Variants in AXDND1 observed in about 807,000 individuals in gnomAD.
The protein encoded by AXDND1 is axonemal dynein light chain domain-containing protein 1.
AXDND1 carries 110 observed loss-of-function variants against 137.5 expected under a neutral mutation model. The observed-to-expected ratio is 0.80, with a 90% CI of 0.69 to 0.94. The LOEUF is 0.94. Among genes scored for constraint, AXDND1 ranks in the 40% least tolerant of loss-of-function variants. The probability of loss-of-function intolerance (pLI) is 0.00; values close to 1 mark genes in which losing one functional copy is unlikely to be tolerated. For missense variants in AXDND1, 1,191 were observed against 1,169.8 expected (o/e 1.02, Z -0.26); for synonymous variants, 414 against 399.7 (o/e 1.04, Z -0.43).
chr1:179,456,427 T>C (rs1661417403), intron 16 of AXDND1: 1 of 769,582 alleles, frequency 1.3e-6, no homozygotes, highest in Non-Finnish European at 2.4e-6. Context: ...CCTCCAAAAC[T>C]GCTTCCACTA....
chr1:179,477,526 G>A (rs1664785391), intron 17 of AXDND1, among the ~76,000 whole-genome samples: 1 of 152,138 alleles, frequency 6.6e-6, no homozygotes, highest in Non-Finnish European at 1.5e-5. Flanking sequence ...CAGATCTCAT[G>A]AGACTTATTC....
chr1:179,442,631 A>T (rs1344033433), intron 15 of AXDND1, among the ~76,000 whole-genome samples: 1 of 152,186 alleles, frequency 6.6e-6, no homozygotes, highest in East Asian at 1.9e-4. Context: ...CCTGATTCAG[A>T]AAACTTCCCA....
intron 19 of AXDND1, 36 bp from the exon 20 acceptor site, chr1:179,492,819 C>CTCTTTT (rs770627668): frequency 7.1e-7 from 1 of 1,413,258 alleles, no homozygotes; most frequent in Admixed American, 2.0e-5. Context: ...TGTGTATTTG[C>CTCTTTT]TCTTTTTCTT....
At chr1:179,477,725 T>C (rs1664814394) in intron 17 of AXDND1, among the ~76,000 whole-genome samples, 1 of 152,096 alleles carries the variant, frequency 6.6e-6, no homozygotes, top group African/African-American at 2.4e-5. Flanking sequence ...TCAAAACCAA[T>C]CATGCCTTCC....
chr1:179,468,931 A>C, intron 17 of AXDND1, among the ~76,000 whole-genome samples: 1 of 143,382 alleles, frequency 7.0e-6, no homozygotes. Context: ...TGTTATGAAC[A>C]ATTTTTTTTT....
At chr1:179,485,686 C>A (rs1208599028) in intron 18 of AXDND1, among the ~76,000 whole-genome samples, 1 of 152,142 alleles carries the variant, frequency 6.6e-6, no homozygotes, top group Non-Finnish European at 1.5e-5. Context: ...GTTTCTTAAC[C>A]AGGCTGACAT....
At chr1:179,551,794 G>A in intron 25 of AXDND1, 1 of 302,358 alleles carries the variant, frequency 3.3e-6, no homozygotes, top group South Asian at 4.0e-5. Context: ...ATGAAAGGGT[G>A]ACCCCCAACT....
At chr1:179,504,245 A>G (rs1668311398) in intron 20 of AXDND1, among the ~76,000 whole-genome samples, 1 of 152,194 alleles carries the variant, frequency 6.6e-6, no homozygotes, top group African/African-American at 2.4e-5. Flanking sequence ...TTCTGAACCA[A>G]GCAGTCTCTT....
intron 16 of AXDND1, chr1:179,454,060 G>A (rs1660928057): frequency 6.6e-6 from 1 of 152,166 alleles, no homozygotes. Flanking sequence ...AAGACTTTGG[G>A]GGGACTGTTG....
intron 12 of AXDND1, among the ~76,000 whole-genome samples, chr1:179,429,243 A>C (rs574497382): frequency 1.3e-5 from 2 of 152,182 alleles, no homozygotes; most frequent in Non-Finnish European, 2.9e-5. Context: ...CATATAAATA[A>C]AAGCATTTGA....
rs1364272098 is a variant in AXDND1 at position 179,448,182 on chromosome 1, T to G, written c.1798+2978T>G. 5 of 906,720 alleles carry G rather than the reference T, an allele frequency of 5.5e-6. No individual in the cohort carries two copies. The African/African-American group carries it at 6.5e-5, about 12-fold the overall frequency. 56.2% of individuals were successfully genotyped at this position (906,720 alleles called of 1,614,324 possible). A position where few individuals can be genotyped will look rare whatever the true frequency, so the allele number is the denominator to read the frequency against. On this transcript the variant is annotated intron_variant, in intron 16 of 25. Transcript: ENST00000367618. ...TGAGCTGTCGCACCCTCTGTGTTCC[T>G]TCTTGTTCAGAGCCTCAACAATATC...
chr1:179,539,532 G>T (rs1293018810), intron 25 of AXDND1, among the ~76,000 whole-genome samples: 4 of 152,122 alleles, frequency 2.6e-5, no homozygotes, highest in Non-Finnish European at 5.9e-5. Flanking sequence ...CTCTCTTCTG[G>T]CTTGTAGGGT....
intron 12 of AXDND1, among the ~76,000 whole-genome samples, chr1:179,419,222 G>A (rs1474796657): frequency 2.6e-5 from 4 of 151,852 alleles, no homozygotes; most frequent in Admixed American, 1.3e-4. Context: ...GGTGGCAGCC[G>A]GGCAGAGGCT....
intron 16 of AXDND1, among the ~76,000 whole-genome samples, chr1:179,459,703 C>CCTTTT (rs367887643): frequency 0.061 from 9,061 of 148,358 alleles, 345 homozygotes; most frequent in Non-Finnish European, 0.069. Context: ...TTCTTTCTTT[C>CCTTTT]CTTTCTTTCT....
intron 11 of AXDND1, among the ~76,000 whole-genome samples, chr1:179,402,742 T>C (rs1379111526): frequency 1.3e-5 from 2 of 152,220 alleles, no homozygotes; most frequent in Non-Finnish European, 2.9e-5. Flanking sequence ...TGGTCCCTTT[T>C]CTCTGCTCTC....
chr1:179,513,007 C>T (rs570021442), intron 21 of AXDND1, among the ~76,000 whole-genome samples: 2 of 152,260 alleles, frequency 1.3e-5, no homozygotes, highest in South Asian at 4.1e-4. Flanking sequence ...TGTCAGGAAA[C>T]AATGACAGTT....
chr1:179,486,527 A>C lies in AXDND1; in HGVS notation c.2091+3306A>C, dbSNP rs931987158. Among the ~76,000 whole-genome samples, 2 of 126,052 alleles carry C rather than the reference A, an allele frequency of 1.6e-5. 1 individual carries two copies. Among genetic ancestry groups the C allele is most frequent in the African/African-American group, 7.0e-5 (2 of 28,402 alleles). 82.7% of individuals were successfully genotyped at this position (126,052 alleles called of 152,430 possible). A position where few individuals can be genotyped will look rare whatever the true frequency, so the allele number is the denominator to read the frequency against. On this transcript the variant is annotated intron_variant, in intron 18 of 25. Coordinates refer to ENST00000367618, the MANE Select transcript of AXDND1 (RefSeq NM_144696.6). ...AAGACCATACATGAGACACATAGTCATCAGATTCTCCAAGGTTGAAATGAA... is the reference window on the plus strand; with the variant it reads ...AAGACCATACATGAGACACATAGTCCTCAGATTCTCCAAGGTTGAAATGAA...
rs190433230 is a variant in AXDND1 at position 179,366,490 on chromosome 1, G to C, written c.-20G>C. The C allele has an allele frequency of 1.8e-4, 278 of 1,577,876 alleles. 1 individual carries two copies. The highest frequency in any genetic ancestry group is 1.7e-3 in the Middle Eastern group (10 of 5,996). On this transcript the variant is annotated 5_prime_UTR_variant, in exon 2 of 26. Transcript: ENST00000367618. ...GAGGACTATTTCAAATTACTAAAGA[G>C]ATAGGAGGCATTGTTTATTATGTCT...
chr1:179,439,068 A>T (rs566490321), intron 15 of AXDND1, among the ~76,000 whole-genome samples: 3 of 152,258 alleles, frequency 2.0e-5, no homozygotes, highest in Admixed American at 2.0e-4. Context: ...TTGTGCTATG[A>T]TTTCTGATTT....
Sources: allele counts gnomAD v4.1 joint callset (sites outside exome capture counted in the v4.1 genomes callset), GRCh38; gene constraint gnomAD v4.1.1; transcripts MANE v1.5; gene names NCBI Gene and HGNC (gene_info 2026-07-23, HGNC 2026-07-21).